The following MEI4 variants were observed in gnomAD, a reference collection of about 807,000 sequenced individuals.
The protein encoded by MEI4 is meiosis-specific protein MEI4.
MEI4 carries 27 observed loss-of-function variants against 31.4 expected under a neutral mutation model. The ratio of observed to expected loss-of-function variants is 0.86; its 90% confidence interval spans 0.63 to 1.19. The LOEUF is 1.19. MEI4 is among the 50% of genes most tolerant of loss of function. MEI4 has a pLI of 0.00. For synonymous variants in MEI4, 122 were observed against 145.4 expected (o/e 0.84, Z 1.16); for missense variants, 329 against 398.9 (o/e 0.82, Z 1.49).
At chr6:77,736,158 C>T (rs1767203966) in intron 2 of MEI4, among the ~76,000 whole-genome samples, 2 of 152,192 alleles carry the variant, frequency 1.3e-5, no homozygotes, top group African/African-American at 2.4e-5. Flanking sequence ...GTTGTGGGCT[C>T]CACCGGGTTC....
intron 3 of MEI4, among the ~76,000 whole-genome samples, chr6:77,806,183 A>G (rs1769431423): frequency 1.3e-5 from 2 of 152,316 alleles, no homozygotes; most frequent in South Asian, 4.1e-4. Context: ...TTTTCCATGA[A>G]GTCCTACTTC....
At chr6:77,886,730 G>A (rs1562026158) in intron 4 of MEI4, among the ~76,000 whole-genome samples, 3 of 152,110 alleles carry the variant, frequency 2.0e-5, no homozygotes, top group Non-Finnish European at 4.4e-5. Context: ...ACTGCACCTG[G>A]CCCTGTTAGA....
chr6:77,792,062 G>C (rs192520581), intron 3 of MEI4, among the ~76,000 whole-genome samples: 1 of 151,964 alleles, frequency 6.6e-6, no homozygotes, highest in East Asian at 1.9e-4. Context: ...TTTGTGCCTT[G>C]GTTATTTCAC....
chr6:77,744,385 TGAATGAAATGAA>T (rs1767518820), intron 2 of MEI4, among the ~76,000 whole-genome samples: 1 of 151,654 alleles, frequency 6.6e-6, no homozygotes, highest in South Asian at 2.1e-4. Context: ...GAAGATGAAA[TGAATGAAATGAA>T]GCGACAAGAG....
At position 77,911,424 on chromosome 6, in the gene MEI4, C is replaced by T. The variant is rs1323583685; in HGVS notation, c.901-11665C>T. 2.0e-5 allele frequency among the ~76,000 whole-genome samples: 3 copies of T among 151,788 alleles called. No homozygotes were observed. In the East Asian group the frequency reaches 5.8e-4, roughly 29 times the overall value. On this transcript the variant is annotated intron_variant, in intron 4 of 4. Coordinates refer to ENST00000684080, the MANE Select transcript of MEI4 (RefSeq NM_001322247.2). ...TTCACTGAGGTAGTGAGCACGGTAC[C>T]CAATAGGTAGTTGTTCAGGTATTAC...
intron 1 of MEI4, among the ~76,000 whole-genome samples, chr6:77,658,841 G>A (rs1345173284): frequency 8.6e-5 from 13 of 151,492 alleles, no homozygotes; most frequent in African/African-American, 2.9e-4. Context: ...GCCCAAGGGG[G>A]TTCAGCATAA....
At chr6:77,664,803 A>G (rs1768590842) in intron 1 of MEI4, among the ~76,000 whole-genome samples, 1 of 152,148 alleles carries the variant, frequency 6.6e-6, no homozygotes, top group Non-Finnish European at 1.5e-5. Flanking sequence ...CTTTTCTAAG[A>G]CAAGAATTAT....
At chr6:77,919,353 A>G (rs929634320) in intron 4 of MEI4, among the ~76,000 whole-genome samples, 5 of 152,044 alleles carry the variant, frequency 3.3e-5, no homozygotes, top group Non-Finnish European at 7.4e-5. Context: ...CTCACTCAAA[A>G]CCGCTCAACT....
At chr6:77,733,964 C>G (rs1424781277) in intron 2 of MEI4, among the ~76,000 whole-genome samples, 1 of 151,986 alleles carries the variant, frequency 6.6e-6, no homozygotes, top group Non-Finnish European at 1.5e-5. Context: ...TTCCTGAGTT[C>G]TAGTTTGATT....
intron 1 of MEI4, among the ~76,000 whole-genome samples, chr6:77,683,138 C>T (rs2127649814): frequency 6.6e-6 from 1 of 152,234 alleles, no homozygotes; most frequent in South Asian, 2.1e-4. Context: ...GAGGTAAGCG[C>T]TACAGGCTAA....
At chr6:77,699,751 G>A (rs939991729) in intron 2 of MEI4, among the ~76,000 whole-genome samples, 2 of 152,108 alleles carry the variant, frequency 1.3e-5, no homozygotes, top group Admixed American at 1.3e-4. Flanking sequence ...GTACAGATGG[G>A]TTTTTGGTGT....
intron 2 of MEI4, among the ~76,000 whole-genome samples, chr6:77,699,994 C>G (rs527961313): frequency 6.6e-6 from 1 of 152,324 alleles, no homozygotes; most frequent in East Asian, 1.9e-4. Context: ...TGTGAGGTGT[C>G]AGTCTGCCCC....
intron 2 of MEI4, among the ~76,000 whole-genome samples, chr6:77,730,295 C>G (rs1355540182): frequency 1.3e-5 from 2 of 152,154 alleles, no homozygotes; most frequent in East Asian, 3.9e-4. Context: ...GGTGGATTCA[C>G]TGTTACACTT....
chr6:77,801,188 C>G (rs1483204117), intron 3 of MEI4, among the ~76,000 whole-genome samples: 1 of 152,114 alleles, frequency 6.6e-6, no homozygotes, highest in African/African-American at 2.4e-5. Flanking sequence ...TTGGTCTATT[C>G]AGAGATTCAA....
At chr6:77,669,056 A>T (rs1768688911) in intron 1 of MEI4, among the ~76,000 whole-genome samples, 1 of 152,194 alleles carries the variant, frequency 6.6e-6, no homozygotes, top group African/African-American at 2.4e-5. Context: ...TACAGATGCA[A>T]CTTCCTATAT....
intron 1 of MEI4, among the ~76,000 whole-genome samples, chr6:77,656,764 T>G (rs1360295522): frequency 6.6e-6 from 1 of 152,194 alleles, no homozygotes. Context: ...CCACTCTTAA[T>G]AATTTAGTTT....
chr6:77,886,792 G>T (rs897520733), intron 4 of MEI4, among the ~76,000 whole-genome samples: 1 of 152,018 alleles, frequency 6.6e-6, no homozygotes, highest in African/African-American at 2.4e-5. Context: ...CTGTGATACT[G>T]GTTTTAATGT....
At chr6:77,851,969 G>T (rs1770637026) in intron 4 of MEI4, among the ~76,000 whole-genome samples, 3 of 152,082 alleles carry the variant, frequency 2.0e-5, no homozygotes, top group African/African-American at 7.2e-5. Context: ...GAACGCCTAA[G>T]TTCTATACAT....
chr6:77,742,550 A>G (rs1321369226), intron 2 of MEI4, among the ~76,000 whole-genome samples: 2 of 151,582 alleles, frequency 1.3e-5, no homozygotes, highest in African/African-American at 4.9e-5. Flanking sequence ...GTTTGCGAAA[A>G]TTTTCTCCCA....
Sources: allele counts gnomAD v4.1 joint callset (sites outside exome capture counted in the v4.1 genomes callset), GRCh38; gene constraint gnomAD v4.1.1; transcripts MANE v1.5; gene names NCBI Gene and HGNC (gene_info 2026-07-23, HGNC 2026-07-21).